TMEM132D: variants seen among roughly 807,000 people sequenced by gnomAD.
The protein encoded by TMEM132D is transmembrane protein 132D, also known as mature OL transmembrane protein.
TMEM132D carries 21 observed loss-of-function variants against 62.3 expected under a neutral mutation model. That is an observed-to-expected ratio of 0.34 (90% CI 0.24 to 0.49). The LOEUF (loss-of-function observed/expected upper bound fraction) is 0.49. TMEM132D is among the 20% of genes least tolerant of loss of function. The probability of loss-of-function intolerance (pLI) is 0.99; values close to 1 mark genes in which losing one functional copy is unlikely to be tolerated. For missense variants in TMEM132D, 1,346 were observed against 1,402.8 expected, an observed-to-expected ratio of 0.96 and a Z score of 0.65; for synonymous variants, 621 against 575.6, an observed-to-expected ratio of 1.08 and a Z score of -1.13.
At chr12:129,677,878 C>T (rs1252701945) in intron 2 of TMEM132D, among the ~76,000 whole-genome samples, 1 of 150,662 alleles carries the variant, frequency 6.6e-6, no homozygotes, top group Admixed American at 6.6e-5. Context: ...CATATTGGTC[C>T]ATTATCCATG....
chr12:129,170,031 A>G (rs1447741049), intron 5 of TMEM132D: 1 of 152,180 alleles, frequency 6.6e-6, no homozygotes, highest in Non-Finnish European at 1.5e-5. Flanking sequence ...TCATGTCTAC[A>G]CTTTTCAGAT....
chr12:129,894,219 A>T (rs1377010246), intron 1 of TMEM132D, among the ~76,000 whole-genome samples: 1 of 152,244 alleles, frequency 6.6e-6, no homozygotes, highest in Admixed American at 6.5e-5. Flanking sequence ...GTGGCAGGCA[A>T]GAGAGCGTGT....
chr12:129,666,029 T>C (rs2137195966), intron 2 of TMEM132D, among the ~76,000 whole-genome samples: 1 of 152,350 alleles, frequency 6.6e-6, no homozygotes. Flanking sequence ...CGATGGGCTT[T>C]GGGTTGCCTC....
At chr12:129,764,470 C>T (rs552014985) in intron 1 of TMEM132D, among the ~76,000 whole-genome samples, 7 of 152,148 alleles carry the variant, frequency 4.6e-5, no homozygotes, top group Admixed American at 3.3e-4. Context: ...TTTCATTGGA[C>T]ACAAAAAGGT....
At chr12:129,838,163 A>T (rs779087566) in intron 1 of TMEM132D, among the ~76,000 whole-genome samples, 2 of 152,178 alleles carry the variant, frequency 1.3e-5, no homozygotes, top group Non-Finnish European at 2.9e-5. Context: ...TTAAAGGATG[A>T]CCATAAATCA....
intron 1 of TMEM132D, among the ~76,000 whole-genome samples, chr12:129,723,798 C>T (rs1868930679): frequency 6.6e-6 from 1 of 152,158 alleles, no homozygotes; most frequent in South Asian, 2.1e-4. Context: ...TGCCAGGAGC[C>T]AGCACAATGG....
intron 3 of TMEM132D, among the ~76,000 whole-genome samples, chr12:129,456,945 T>C (rs1310345138): frequency 6.6e-6 from 1 of 152,068 alleles, no homozygotes; most frequent in Non-Finnish European, 1.5e-5. Context: ...AAACAACAGG[T>C]GCTGGAGAGG....
At chr12:129,754,759 G>T (rs990201454) in intron 1 of TMEM132D, among the ~76,000 whole-genome samples, 1 of 152,164 alleles carries the variant, frequency 6.6e-6, no homozygotes, top group Non-Finnish European at 1.5e-5. Context: ...GCAGTTAAAA[G>T]AAAGACCAAA....
At chr12:129,438,473 G>C (rs1467373171) in intron 3 of TMEM132D, among the ~76,000 whole-genome samples, 3 of 152,156 alleles carry the variant, frequency 2.0e-5, no homozygotes, top group African/African-American at 7.2e-5. Flanking sequence ...AAAAAACATA[G>C]ATACATCTCC....
chr12:129,766,853 A>G (rs4760005), intron 1 of TMEM132D, among the ~76,000 whole-genome samples: 144,083 of 152,244 alleles, frequency 0.95, 68,460 homozygotes, highest in Non-Finnish European at 1. Flanking sequence ...CAGGAAGCCC[A>G]GCTCCATAAG....
intron 4 of TMEM132D, among the ~76,000 whole-genome samples, chr12:129,306,645 T>G (rs1040197265): frequency 3.3e-5 from 5 of 152,230 alleles, no homozygotes; most frequent in African/African-American, 1.2e-4. Context: ...TGATCATTAT[T>G]TATGGTTCTG....
chr12:129,655,311 A>G (rs924399620), intron 2 of TMEM132D, among the ~76,000 whole-genome samples: 1 of 149,220 alleles, frequency 6.7e-6, no homozygotes, highest in Non-Finnish European at 1.5e-5. Flanking sequence ...CAGTGATGCA[A>G]TCTTGGCTCA....
At chr12:129,518,660 CT>C (rs1053247807) in intron 3 of TMEM132D, among the ~76,000 whole-genome samples, 1 of 151,534 alleles carries the variant, frequency 6.6e-6, no homozygotes, top group African/African-American at 2.4e-5. Flanking sequence ...TATTTCATGC[CT>C]TTTTTAACAT....
At chr12:129,759,222 C>T (rs1392936819) in intron 1 of TMEM132D, among the ~76,000 whole-genome samples, 4 of 152,340 alleles carry the variant, frequency 2.6e-5, no homozygotes, top group South Asian at 2.1e-4. Flanking sequence ...GCGTGAGCCA[C>T]CACGCCGGGT....
At chr12:129,743,095 C>G (rs1303589506) in intron 1 of TMEM132D, among the ~76,000 whole-genome samples, 1 of 152,234 alleles carries the variant, frequency 6.6e-6, no homozygotes, top group Non-Finnish European at 1.5e-5. Context: ...GCCTTCCATC[C>G]CAACCTCCTC....
At chr12:129,608,468 T>G (rs767613752) in intron 2 of TMEM132D, among the ~76,000 whole-genome samples, 3 of 152,176 alleles carry the variant, frequency 2.0e-5, no homozygotes, top group Non-Finnish European at 4.4e-5. Context: ...GGTCAGAGCT[T>G]AGACAACCAA....
At chr12:129,547,199 C>T (rs940748609) in intron 2 of TMEM132D, among the ~76,000 whole-genome samples, 3 of 152,198 alleles carry the variant, frequency 2.0e-5, no homozygotes, top group African/African-American at 7.2e-5. Context: ...CATGGTTACA[C>T]AGCTCCCTTC....
chr12:129,380,236 C>T (rs767611635), intron 3 of TMEM132D, among the ~76,000 whole-genome samples: 2 of 152,128 alleles, frequency 1.3e-5, no homozygotes, highest in African/African-American at 4.8e-5. Context: ...TACTAAACTG[C>T]TCATTAGCCT....
At chr12:129,666,653 C>T (rs1397047668) in intron 2 of TMEM132D, among the ~76,000 whole-genome samples, 1 of 152,138 alleles carries the variant, frequency 6.6e-6, no homozygotes, top group African/African-American at 2.4e-5. Flanking sequence ...ACGCCCGTAG[C>T]TATGCTGAAA....
Sources: gnomAD v4.1 joint callset for allele counts (sites outside exome capture counted in the v4.1 genomes callset) on GRCh38, gnomAD v4.1.1 for gene constraint, MANE v1.5 for transcripts, NCBI Gene and HGNC (gene_info 2026-07-23, HGNC 2026-07-21) for gene names.